The following DPP6 variants were observed in gnomAD, a reference collection of about 807,000 sequenced individuals.
The protein encoded by DPP6 is dipeptidyl peptidase like 6.
In DPP6, 69 loss-of-function variants were observed where a neutral mutation model predicts 122.6. That is an observed-to-expected ratio of 0.56 (90% CI 0.46 to 0.69). The LOEUF is 0.69. DPP6 is among the 30% of genes least tolerant of loss of function. DPP6 has a pLI of 0.00. For synonymous variants in DPP6, 418 were observed against 433.1 expected (o/e 0.97, Z 0.43); for missense variants, 928 against 1,116.9 (o/e 0.83, Z 2.41).
chr7:154,306,255 G>A (rs1220329170), intron 1 of DPP6, among the ~76,000 whole-genome samples: 1 of 152,228 alleles, frequency 6.6e-6, no homozygotes, highest in South Asian at 2.1e-4. Flanking sequence ...ACCACGGTCT[G>A]CAGAGGCCCA....
At chr7:153,935,773 T>G (rs1451076521) in intron 1 of DPP6, among the ~76,000 whole-genome samples, 1 of 152,148 alleles carries the variant, frequency 6.6e-6, no homozygotes, top group Non-Finnish European at 1.5e-5. Context: ...TGCTCTCCCG[T>G]TCACCTGACT....
At position 154,569,888 on chromosome 7, in the gene DPP6, G is replaced by A. The variant is rs185246807; in HGVS notation, c.627+2972G>A. Among the ~76,000 whole-genome samples the A allele has an allele frequency of 2.0e-5, 3 of 151,912 alleles. No individual in the cohort carries two copies. The East Asian group carries it at 5.8e-4, about 29-fold the overall frequency. ...ATTCCGATGCTCACCAGCTATGTTTGCTTGAGTAACCCACTAAACCTTATG... is the reference window on the plus strand; with the variant it reads ...ATTCCGATGCTCACCAGCTATGTTTACTTGAGTAACCCACTAAACCTTATG... On this transcript the variant is annotated intron_variant, in intron 5 of 25. Transcript: ENST00000377770.
At chr7:154,123,009 C>T (rs1361935583) in intron 1 of DPP6, among the ~76,000 whole-genome samples, 3 of 152,066 alleles carry the variant, frequency 2.0e-5, no homozygotes, top group East Asian at 1.9e-4. Flanking sequence ...GACAGATCCT[C>T]GGGCACTGTT....
chr7:154,851,453 A>T (rs959736343), intron 16 of DPP6, among the ~76,000 whole-genome samples: 25 of 152,256 alleles, frequency 1.6e-4, no homozygotes, highest in Admixed American at 1.5e-3. Flanking sequence ...CAGAGAAAAT[A>T]CTTATAGGTT....
At chr7:153,812,187 A>G in the DPP6 span, among the ~76,000 whole-genome samples, 2 of 152,056 alleles carry the variant, frequency 1.3e-5, no homozygotes, top group African/African-American at 4.8e-5. Context: ...TCTTGAAGGA[A>G]ACTGGTTTAC....
intron 16 of DPP6, among the ~76,000 whole-genome samples, chr7:154,829,774 G>GT (rs1417296777): frequency 6.6e-6 from 1 of 152,064 alleles, no homozygotes; most frequent in Non-Finnish European, 1.5e-5. Context: ...CTTGCCATAG[G>GT]TAAGATGCTT....
chr7:153,755,039 G>A, the DPP6 span, among the ~76,000 whole-genome samples: 1 of 145,796 alleles, frequency 6.9e-6, no homozygotes, highest in African/African-American at 2.4e-5. Flanking sequence ...TTTTCTTCTC[G>A]AAATTGGACC....
chr7:154,828,447 G>A (rs537547431), intron 16 of DPP6, among the ~76,000 whole-genome samples: 72 of 152,198 alleles, frequency 4.7e-4, no homozygotes, highest in African/African-American at 1.5e-3. Flanking sequence ...TGCAGCCACC[G>A]GCAAATGACA....
intron 1 of DPP6, among the ~76,000 whole-genome samples, chr7:154,135,235 T>C (rs1795487280): frequency 6.6e-6 from 1 of 150,848 alleles, no homozygotes; most frequent in African/African-American, 2.4e-5. Flanking sequence ...TATGAGCCCA[T>C]AGATCCTATG....
intron 1 of DPP6, among the ~76,000 whole-genome samples, chr7:153,913,634 G>A (rs1010433527): frequency 6.6e-6 from 1 of 151,678 alleles, no homozygotes; most frequent in Non-Finnish European, 1.5e-5. Flanking sequence ...TCTCCCTTTA[G>A]CATTCTTTTG....
rs1585222707 is a variant in DPP6 at position 154,045,420 on chromosome 7, A to G, written c.51+157686A>G. Among the ~76,000 whole-genome samples the G allele has an allele frequency of 2.6e-5, 4 of 152,218 alleles. No homozygotes were observed. The South Asian group carries it at 6.2e-4, about 24-fold the overall frequency. On this transcript the variant is annotated intron_variant, in intron 1 of 25. Coordinates refer to the DPP6 transcript ENST00000404039. ...AGTGCAGTGGTTCTCAGACTTGTGC[A>G]TGCATCAGAATCATCTGGAGAGCTT...
At chr7:154,698,528 A>T (rs1285522605) in intron 7 of DPP6, among the ~76,000 whole-genome samples, 6 of 150,832 alleles carry the variant, frequency 4.0e-5, no homozygotes, top group Admixed American at 4.0e-4. Context: ...ATGATTTTTT[A>T]AAAAGATCTC....
At chr7:153,867,890 A>C in the DPP6 span, among the ~76,000 whole-genome samples, 9,743 of 152,088 alleles carry the variant, frequency 0.064, 512 homozygotes, top group East Asian at 0.25. Context: ...AAGGCCTTTT[A>C]TGCATCTATT....
At chr7:153,831,839 G>T in the DPP6 span, among the ~76,000 whole-genome samples, 1 of 152,162 alleles carries the variant, frequency 6.6e-6, no homozygotes, top group Admixed American at 6.5e-5. Flanking sequence ...TGAGGGGGCT[G>T]AGGTGGGCTC....
intron 1 of DPP6, among the ~76,000 whole-genome samples, chr7:154,060,237 C>T (rs1030651444): frequency 7.0e-6 from 1 of 143,284 alleles, no homozygotes; most frequent in Non-Finnish European, 1.5e-5. Context: ...CTCTTAGGAT[C>T]CCCATCGCTG....
chr7:154,418,889 C>A (rs1221241263), intron 1 of DPP6, among the ~76,000 whole-genome samples: 1 of 152,176 alleles, frequency 6.6e-6, no homozygotes, highest in Non-Finnish European at 1.5e-5. Flanking sequence ...CAAGTACCAC[C>A]AGCCAGGAAG....
intron 5 of DPP6, among the ~76,000 whole-genome samples, chr7:154,580,354 A>G (rs1221585639): frequency 6.6e-6 from 1 of 152,158 alleles, no homozygotes; most frequent in Non-Finnish European, 1.5e-5. Flanking sequence ...GTCTTGAGGC[A>G]GTGCACTCGG....
chr7:154,796,474 T>A (rs1156832803), intron 12 of DPP6, among the ~76,000 whole-genome samples: 1 of 152,234 alleles, frequency 6.6e-6, no homozygotes, highest in African/African-American at 2.4e-5. Context: ...CAATTTTTTC[T>A]AAATTAAACT....
chr7:154,786,046 G>A (rs550475187), intron 10 of DPP6, among the ~76,000 whole-genome samples: 2 of 152,086 alleles, frequency 1.3e-5, no homozygotes, highest in African/African-American at 4.8e-5. Context: ...GGCCATCCTG[G>A]GACCTCCCCA....
Sources: allele counts gnomAD v4.1 joint callset (sites outside exome capture counted in the v4.1 genomes callset), GRCh38; gene constraint gnomAD v4.1.1; transcripts MANE v1.5; gene names NCBI Gene and HGNC (gene_info 2026-07-23, HGNC 2026-07-21).